The following DIPK1B variants were observed in gnomAD, a reference collection of about 807,000 sequenced individuals.
The protein encoded by DIPK1B is family with sequence similarity 69 member B.
A neutral mutation model predicts 20.7 loss-of-function variants in DIPK1B; 17 were observed. That is an observed-to-expected ratio of 0.82 (90% CI 0.56 to 1.23). The LOEUF (loss-of-function observed/expected upper bound fraction) is 1.23. Ranked by LOEUF, DIPK1B falls within the 50% of genes most tolerant of loss-of-function variation. DIPK1B has a pLI of 0.00. For missense variants in DIPK1B, 648 were observed against 601.8 expected (o/e 1.08, Z -0.80); for synonymous variants, 343 against 276.5 (o/e 1.24, Z -2.39).
chr9:136,713,151 GC>G (rs951501599), intron 1 of DIPK1B, among the ~76,000 whole-genome samples: 6 of 152,270 alleles, frequency 3.9e-5, no homozygotes, highest in Non-Finnish European at 7.4e-5. Flanking sequence ...CAGCCGTAGC[GC>G]GGGGACCCTG....
chr9:136,723,445 GCCA>G lies in DIPK1B; in HGVS notation c.970_972del (p.Thr324del). ...CGACCTGCAGCAGGTGGCACCCGAGGCCACCGTGCGCCGCTTCCTGCAGGGCCG... is the reference window on the plus strand; with the variant it reads ...CGACCTGCAGCAGGTGGCACCCGAGGCCGTGCGCCGCTTCCTGCAGGGCCG... On this transcript the variant is annotated inframe_deletion, in exon 5 of 5. Coordinates refer to ENST00000371692, the MANE Select transcript of DIPK1B (RefSeq NM_152421.4). 2 of 1,611,430 alleles carry G rather than the reference GCCA, an allele frequency of 1.2e-6. No homozygotes were observed. The highest frequency in any genetic ancestry group is 2.2e-5 in the East Asian group (1 of 44,850).
At position 136,717,557 on chromosome 9, in the gene DIPK1B, C is replaced by T. The variant is rs753877325; in HGVS notation, c.64-20C>T. On this transcript the variant is annotated intron_variant, in intron 1 of 4. Coordinates refer to ENST00000371692, the MANE Select transcript of DIPK1B (RefSeq NM_152421.4). ...TGGGTGCCCCGAGGGCACCTCCTCA[C>T]GCAGCCCCTTCCCCCACAGGGCCGG... 238 of 1,594,684 alleles carry T rather than the reference C, an allele frequency of 1.5e-4. No homozygotes were observed. Among genetic ancestry groups the T allele is most frequent in the East Asian group, 2.2e-5 (1 of 44,724 alleles).
At position 136,723,098 on chromosome 9, in the gene DIPK1B, T is replaced by C; in HGVS notation, c.620T>C (p.Leu207Pro). ...GCCCTGCTGCAGCGTAACGAGTTCC[T>C]GCTGCTGCTGTCCCTGCAGGAGAAG... ...VWALLQRNEF[L>P]LLLSLQEKEH... Residue 207 changes from leucine (L) to proline (P), a missense_variant, in exon 5 of 5, where the codon CTG (leucine) becomes CCG (proline). Transcript: ENST00000371692. 1 of 1,613,542 alleles carries C rather than the reference T, an allele frequency of 6.2e-7. No homozygotes were observed.
In DIPK1B at chr9:136,723,947, C is replaced by G; in HGVS notation, c.*173C>G. 1 of 674,120 alleles carries G rather than the reference C, an allele frequency of 1.5e-6. No homozygotes were observed. The highest frequency in any genetic ancestry group is 2.5e-6 in the Non-Finnish European group (1 of 404,656). 41.8% of individuals were successfully genotyped at this position (674,120 alleles called of 1,614,324 possible). Reference sequence around the variant, plus strand: ...ACAGACATGAGACCCCAGCTCGGAGCAAAGGCGGACATGGACATCCCGGCA... The same window carrying G: ...ACAGACATGAGACCCCAGCTCGGAGGAAAGGCGGACATGGACATCCCGGCA... On this transcript the variant is annotated 3_prime_UTR_variant, in exon 5 of 5. Transcript: ENST00000371692.
At chr9:136,717,442 G>A (rs965540206) in intron 1 of DIPK1B, 135 bp from the exon 2 acceptor site, 3 of 996,316 alleles carry the variant, frequency 3.0e-6, no homozygotes, top group Non-Finnish European at 4.4e-6. Flanking sequence ...GAAGACGGGG[G>A]TGCCAGGGGG....
intron 2 of DIPK1B, chr9:136,721,665 C>A (rs963490940): frequency 4.0e-6 from 2 of 498,170 alleles, no homozygotes; most frequent in Non-Finnish European, 7.4e-6. Context: ...CTTTGCTGTG[C>A]CGTCCTGTTA....
chr9:136,714,952 G>A (rs755720778), intron 1 of DIPK1B, among the ~76,000 whole-genome samples: 2 of 152,266 alleles, frequency 1.3e-5, no homozygotes, highest in African/African-American at 2.4e-5. Flanking sequence ...CCTTGTCCTC[G>A]TTGAGGAGCT....
chr9:136,722,668 G>T, intron 4 of DIPK1B: 1 of 569,638 alleles, frequency 1.8e-6, no homozygotes, highest in Non-Finnish European at 3.1e-6. Flanking sequence ...CTCATCCTCA[G>T]GGAAGCTCTG....
At chr9:136,718,151 G>A (rs1428660546) in intron 2 of DIPK1B, among the ~76,000 whole-genome samples, 1 of 136,368 alleles carries the variant, frequency 7.3e-6, no homozygotes, top group African/African-American at 2.7e-5. Context: ...CGACCCCCGT[G>A]TGCTGGCCTC....
In DIPK1B at chr9:136,723,759, C is replaced by T. The variant is rs968341853; in HGVS notation, c.1281C>T (p.Asn427=). The T allele has an allele frequency of 2.6e-6, 4 of 1,534,436 alleles. No homozygotes were observed. The highest frequency in any genetic ancestry group is 2.3e-4 in the Middle Eastern group (1 of 4,396). The stretch of plus-strand genomic sequence containing the variant: ...CTCTGCTCTGGAAGAAGATCTCCAA[C>T]ACCAAGTACTCTTGATGGGGCAGTG... The part of the protein sequence containing the change: ...LKTLLWKKIS[N]TKYS The change falls in exon 5 of 5, where the codon AAC becomes AAT. Residue 427 remains asparagine, a synonymous_variant. Transcript: ENST00000371692.
chr9:136,712,667 T>TGCGA lies in DIPK1B; in HGVS notation c.5_6insAGCG (p.Arg3_?2). The stretch of plus-strand genomic sequence containing the variant: ...GCGCAGCCCCGGCCGGAGCCCACCA[T>TGCGA]GCGGCGGCTGCGGCGCCTGGCGCAC... On this transcript the variant is annotated frameshift_variant and start_lost, in exon 1 of 5. Coordinates refer to ENST00000371692, the MANE Select transcript of DIPK1B (RefSeq NM_152421.4). LOFTEE classifies it high-confidence loss of function. This position sits in a 1 kb window ranked among gnomAD's most constrained non-coding sequence, Gnocchi z 5.6. The TGCGA allele has an allele frequency of 7.8e-7, 1 of 1,289,100 alleles. No homozygotes were observed. The highest frequency in any genetic ancestry group is 9.8e-7 in the Non-Finnish European group (1 of 1,017,682). 79.9% of individuals were successfully genotyped at this position (1,289,100 alleles called of 1,614,324 possible). A position where few individuals can be genotyped will look rare whatever the true frequency, so the allele number is the denominator to read the frequency against.
Position 136,712,783 on chromosome 9 carries a change from C to T in DIPK1B, c.63+55C>T, listed in dbSNP as rs957982915. On this transcript the variant is annotated intron_variant, in intron 1 of 4. Coordinates refer to ENST00000371692, the MANE Select transcript of DIPK1B (RefSeq NM_152421.4). The surrounding 1 kb of genome is among the most constrained non-coding windows in gnomAD (Gnocchi z 5.6). The stretch of plus-strand genomic sequence containing the variant: ...GCCGCCTCTGCCTGGGGAGGCCGAG[C>T]TCCAGCCCCGGAGTGGGCCGAGTAC... The T allele has an allele frequency of 8.1e-7, 1 of 1,238,654 alleles. No homozygotes were observed. 76.7% of individuals were successfully genotyped at this position (1,238,654 alleles called of 1,614,324 possible). A position where few individuals can be genotyped will look rare whatever the true frequency, so the allele number is the denominator to read the frequency against.
At chr9:136,713,141 C>T (rs1846449857) in intron 1 of DIPK1B, among the ~76,000 whole-genome samples, 1 of 152,194 alleles carries the variant, frequency 6.6e-6, no homozygotes, top group South Asian at 2.1e-4. Context: ...TCCCATCAGC[C>T]AGCCGTAGCG....
chr9:136,715,600 T>C (rs1456120489), intron 1 of DIPK1B, among the ~76,000 whole-genome samples: 1 of 151,600 alleles, frequency 6.6e-6, no homozygotes, highest in African/African-American at 2.4e-5. Flanking sequence ...CCACAACCTC[T>C]GCCTCCCGGG....
chr9:136,721,711 AGGG>A, intron 2 of DIPK1B: 12 of 573,240 alleles, frequency 2.1e-5, no homozygotes, highest in South Asian at 1.2e-4. Context: ...ACCGGACCGG[AGGG>A]TTGGCGGGGC....
At chr9:136,715,825 C>G (rs1564306339) in intron 1 of DIPK1B, among the ~76,000 whole-genome samples, 1 of 152,124 alleles carries the variant, frequency 6.6e-6, no homozygotes, top group Admixed American at 6.6e-5. Context: ...TAATTTTTAA[C>G]TGCGGTAAGA....
chr9:136,717,278 G>C (rs1846512009), intron 1 of DIPK1B, among the ~76,000 whole-genome samples: 1 of 151,746 alleles, frequency 6.6e-6, no homozygotes, highest in African/African-American at 2.4e-5. Context: ...CGGCCACCCT[G>C]TAGTCCCCTG....
intron 1 of DIPK1B, among the ~76,000 whole-genome samples, chr9:136,713,284 A>C (rs1369122443): frequency 6.6e-6 from 1 of 151,834 alleles, no homozygotes; most frequent in Non-Finnish European, 1.5e-5. Context: ...TGCTTTGGGG[A>C]GATGCAGGCC....
intron 1 of DIPK1B, 32 bp from the exon 2 acceptor site, chr9:136,717,545 G>A (rs916325851): frequency 6.3e-6 from 10 of 1,590,274 alleles, no homozygotes; most frequent in Non-Finnish European, 6.0e-6. Context: ...GTGCCCCGAG[G>A]GCACCTCCTC....
Sources: gnomAD v4.1 joint callset for allele counts (sites outside exome capture counted in the v4.1 genomes callset) on GRCh38, gnomAD v4.1.1 for gene constraint, Gnocchi (gnomAD v3.1) non-coding constraint, MANE v1.5 for transcripts, NCBI Gene and HGNC (gene_info 2026-07-23, HGNC 2026-07-21) for gene names.